The following MEGF11 variants were observed in gnomAD, a reference collection of about 807,000 sequenced individuals.
The protein encoded by MEGF11 is multiple EGF like domains 11, also known as multiple epidermal growth factor-like domains protein 11.
In MEGF11, 126 loss-of-function variants were observed where a neutral mutation model predicts 146.6. The ratio of observed to expected loss-of-function variants is 0.86; its 90% CI spans 0.74 to 1.00. The LOEUF (loss-of-function observed/expected upper bound fraction) is 1.00. Ranked by LOEUF, MEGF11 falls within the 50% of genes least tolerant of loss-of-function variation. MEGF11 has a pLI of 0.00. For missense variants in MEGF11, 1,509 were observed against 1,521.2 expected (o/e 0.99, Z 0.13); for synonymous variants, 532 against 583.4 (o/e 0.91, Z 1.27).
rs145274915 is a variant in MEGF11 at position 66,219,904 on chromosome 15, T to C, written c.-9+33701A>G. Among the ~76,000 whole-genome samples, 805 of 152,282 alleles carry C rather than the reference T, an allele frequency of 5.3e-3. 9 individuals are homozygous for C. Among genetic ancestry groups the C allele is most frequent in the African/African-American group, 0.019 (770 of 41,564 alleles). ...AACAAGCTGTGGTACATCCATACCGTATATATTAAGTTGAATAGTGTTCCC... is the reference window on the plus strand; with the variant it reads ...AACAAGCTGTGGTACATCCATACCGCATATATTAAGTTGAATAGTGTTCCC... On this transcript the variant is annotated intron_variant, in intron 1 of 25. Coordinates refer to ENST00000395614, the MANE Select transcript of MEGF11 (RefSeq NM_001385028.1).
chr15:65,942,965 AC>A (rs1411312773), intron 10 of MEGF11, among the ~76,000 whole-genome samples: 3 of 148,522 alleles, frequency 2.0e-5, no homozygotes, highest in Non-Finnish European at 3.0e-5. Context: ...AAACAAAAAA[AC>A]AACTTGGCTT....
chr15:66,223,125 C>T (rs2091774757), intron 1 of MEGF11, among the ~76,000 whole-genome samples: 1 of 152,150 alleles, frequency 6.6e-6, no homozygotes, highest in Non-Finnish European at 1.5e-5. Flanking sequence ...ATAAAACGTG[C>T]TATATTCACA....
chr15:66,016,545 C>T (rs9944254), intron 5 of MEGF11, among the ~76,000 whole-genome samples: 2,092 of 140,192 alleles, frequency 0.015, 48 homozygotes, highest in African/African-American at 0.051. Context: ...CTCTTAGCAA[C>T]GCCCTTGACA....
At chr15:66,127,599 C>T (rs1253043558) in intron 2 of MEGF11, among the ~76,000 whole-genome samples, 2 of 152,332 alleles carry the variant, frequency 1.3e-5, no homozygotes, top group East Asian at 1.9e-4. Flanking sequence ...TCCTGGTCAG[C>T]ATGGCCAATC....
intron 1 of MEGF11, among the ~76,000 whole-genome samples, chr15:66,153,429 C>T (rs965680010): frequency 2.6e-5 from 4 of 152,042 alleles, no homozygotes; most frequent in African/African-American, 4.8e-5. Context: ...AAAAATTAGC[C>T]GGGCATGGTG....
chr15:66,171,478 C>CA (rs2090254442), intron 1 of MEGF11, among the ~76,000 whole-genome samples: 1 of 152,112 alleles, frequency 6.6e-6, no homozygotes, highest in African/African-American at 2.4e-5. Flanking sequence ...GCTGGTCCCT[C>CA]ACCCTACATG....
chr15:66,163,733 C>A (rs1424610078), intron 1 of MEGF11, among the ~76,000 whole-genome samples: 2 of 152,166 alleles, frequency 1.3e-5, no homozygotes, highest in Non-Finnish European at 2.9e-5. Context: ...CGGGCGGAGC[C>A]TATAAAAAGA....
chr15:66,248,451 C>G (rs1267730450), intron 1 of MEGF11, among the ~76,000 whole-genome samples: 4 of 152,214 alleles, frequency 2.6e-5, no homozygotes, highest in Admixed American at 6.5e-5. Context: ...TAGTAAAGTC[C>G]TGGCCCCTGC....
chr15:66,010,468 C>T (rs1451606980), intron 5 of MEGF11, among the ~76,000 whole-genome samples: 1 of 152,172 alleles, frequency 6.6e-6, no homozygotes, highest in Non-Finnish European at 1.5e-5. Flanking sequence ...GCTGGGATTA[C>T]AGGCATGACT....
At chr15:66,118,073 C>T (rs1407866388) in intron 4 of MEGF11, among the ~76,000 whole-genome samples, 1 of 152,172 alleles carries the variant, frequency 6.6e-6, no homozygotes, top group Admixed American at 6.5e-5. Flanking sequence ...AGAATACTAA[C>T]AAGGAAAATT....
intron 1 of MEGF11, among the ~76,000 whole-genome samples, chr15:66,171,723 C>A (rs974569051): frequency 6.6e-6 from 1 of 150,424 alleles, no homozygotes; most frequent in Non-Finnish European, 1.5e-5. Context: ...CTGAGAGGGT[C>A]CCCCCAGCCC....
Position 66,119,175 on chromosome 15 carries a change from T to G in MEGF11, c.212A>C (p.Lys71Thr). Residue 71 changes from lysine to threonine, a missense_variant, in exon 4 of 26, where the codon AAG (lysine) becomes ACG (threonine). Transcript: ENST00000395614. ...FKCTRHRISY[K>T]TAYRRGLRTM... ...CCGGAGGCCTCTCCGATACGCCGTC[T>G]TATAACTGATCCTAAGGCACAAGGG... 6.4e-7 allele frequency: 1 copy of G among 1,551,036 alleles called. No homozygotes were observed. Among genetic ancestry groups the G allele is most frequent in the Non-Finnish European group, 8.7e-7 (1 of 1,146,772 alleles).
chr15:66,081,427 G>A (rs1393225270), intron 5 of MEGF11, among the ~76,000 whole-genome samples: 2 of 152,064 alleles, frequency 1.3e-5, no homozygotes, highest in Non-Finnish European at 2.9e-5. Flanking sequence ...CATCCAGGCT[G>A]GAGTGCAATG....
chr15:66,011,353 G>C (rs1200111574), intron 5 of MEGF11, among the ~76,000 whole-genome samples: 2 of 152,242 alleles, frequency 1.3e-5, no homozygotes, highest in South Asian at 4.2e-4. Flanking sequence ...CCAGCTATGG[G>C]ACTTGGACTA....
chr15:66,253,289 C>T (rs2092402267), intron 1 of MEGF11, among the ~76,000 whole-genome samples: 1 of 152,188 alleles, frequency 6.6e-6, no homozygotes, highest in Non-Finnish European at 1.5e-5. Flanking sequence ...TCGGGTCTTC[C>T]CCCGCACGTG....
Position 65,955,681 on chromosome 15 carries a change from T to A in MEGF11, c.1287+1866A>T, listed in dbSNP as rs529269136. Among the ~76,000 whole-genome samples the A allele has an allele frequency of 3.8e-5, 5 of 132,704 alleles. No homozygotes were observed. The East Asian group carries it at 1.1e-3, about 30-fold the overall frequency. 87.1% of individuals were successfully genotyped at this position (132,704 alleles called of 152,430 possible). On this transcript the variant is annotated intron_variant, in intron 10 of 25. Transcript: ENST00000395614. ...ATTGCTTGAACCCAGGAGGCGGAGG[T>A]TGCAATGAGCCGAGATTGTGCCACT... is the stretch of plus-strand genomic sequence containing the variant.
chr15:66,112,459 G>T (rs2087478246), intron 4 of MEGF11, among the ~76,000 whole-genome samples: 1 of 152,140 alleles, frequency 6.6e-6, no homozygotes, highest in South Asian at 2.1e-4. Context: ...GAGATAAAGA[G>T]ACTGAAAATG....
At chr15:65,916,748 G>T in intron 17 of MEGF11, 80 bp downstream of exon 17, 1 of 1,555,786 alleles carries the variant, frequency 6.4e-7, no homozygotes, top group Non-Finnish European at 8.7e-7. Context: ...CCTCCCTGCT[G>T]GTCTGGACAA....
intron 5 of MEGF11, among the ~76,000 whole-genome samples, chr15:66,028,094 G>A (rs549689501): frequency 3.3e-5 from 5 of 152,154 alleles, no homozygotes; most frequent in African/African-American, 1.2e-4. Context: ...CCTTTTACTG[G>A]GTGCAGTAAG....
Sources: allele counts gnomAD v4.1 joint callset (sites outside exome capture counted in the v4.1 genomes callset), GRCh38; gene constraint gnomAD v4.1.1; transcripts MANE v1.5; gene names NCBI Gene and HGNC (gene_info 2026-07-23, HGNC 2026-07-21).